HSP90AB1: variants seen among roughly 807,000 people sequenced by gnomAD.
The protein encoded by HSP90AB1 is heat shock protein HSP 90-beta.
Under a neutral mutation model 67.8 loss-of-function variants are expected in HSP90AB1, and 17 were observed. The observed-to-expected ratio is 0.25, with a 90% CI of 0.17 to 0.38. The LOEUF (loss-of-function observed/expected upper bound fraction) is 0.38. Among genes scored for constraint, HSP90AB1 ranks in the 10% least tolerant of loss-of-function variants. HSP90AB1 has a pLI of 1.00. For missense variants in HSP90AB1, 690 were observed against 899.9 expected (o/e 0.77, Z 2.98); for synonymous variants, 390 against 312.9 (o/e 1.25, Z -2.60).
chr6:44,246,434 C>G (rs972527158), upstream of HSP90AB1: 2 of 152,550 alleles, frequency 1.3e-5, no homozygotes, highest in African/African-American at 4.8e-5. Context: ...GGGGCGGGAC[C>G]GCCGAGACAG....
intron 4 of HSP90AB1, 45 bp downstream of exon 4, chr6:44,249,879 T>C: frequency 6.3e-7 from 1 of 1,594,936 alleles, no homozygotes; most frequent in Non-Finnish European, 8.6e-7. Flanking sequence ...TAGGATTTTC[T>C]GGGCTCACAC....
At position 44,249,804 on chromosome 6, in the gene HSP90AB1, G is replaced by A. The variant is rs1184485555; in HGVS notation, c.484G>A (p.Gly162Arg). ...ACAGTATGCTTGGGAGTCTTCTGCT[G>A]GAGGTTCCTTCACTGTGCGTGCTGA... is the stretch of plus-strand genomic sequence containing the variant. Reference protein sequence around the residue: ...DEQYAWESSAGGSFTVRADHG... With the variant: ...DEQYAWESSARGSFTVRADHG... Residue 162 changes from glycine (G) to arginine (R), a missense_variant, in exon 4 of 12, where the codon GGA becomes AGA. Physicochemically the swap from Gly to Arg is moderately radical, Grantham distance 125. Transcript: ENST00000371646. The A allele has an allele frequency of 5.0e-6, 8 of 1,612,600 alleles. No individual in the cohort carries two copies. The highest frequency in any genetic ancestry group is 6.8e-6 in the Non-Finnish European group (8 of 1,179,194).
chr6:44,251,409 T>G lies in HSP90AB1; in HGVS notation c.1124-9T>G. On this transcript the variant is annotated splice_polypyrimidine_tract_variant and intron_variant, in intron 7 of 11. Transcript: ENST00000371646. ...TTTTACTGAGCTTTCTCACCCTGGT[T>G]GATGGCAGATTTTATCCGTGGTGTG... 1 of 1,598,602 alleles carries G rather than the reference T, an allele frequency of 6.3e-7. No individual in the cohort carries two copies.
At chr6:44,250,620 T>C (rs1246613726) in intron 6 of HSP90AB1, 21 bp downstream of exon 6, 13 of 1,382,004 alleles carry the variant, frequency 9.4e-6, no homozygotes, top group Non-Finnish European at 1.3e-5. Context: ...CCTTTGCATG[T>C]TGGCTCAACA....
At chr6:44,250,689 C>T (rs1780522553) in intron 6 of HSP90AB1, 90 bp downstream of exon 6, 2 of 737,490 alleles carry the variant, frequency 2.7e-6, no homozygotes, top group East Asian at 5.0e-5. Flanking sequence ...ACACACGGAA[C>T]TTGTCCAACT....
rs879245265 is a variant in HSP90AB1, at chr6:44,253,356, T to C, written c.2043T>C (p.Tyr681=). The change falls in exon 11 of 12, where the codon TAT becomes TAC. Residue 681 remains tyrosine, a synonymous_variant. Transcript: ENST00000371646. ...EDPQTHSNRI[Y]RMIKLGLGID... is the part of the protein sequence containing the mutation. The stretch of plus-strand genomic sequence containing the variant: ...CCCAGACCCACTCCAACCGCATCTA[T>C]CGCATGATCAAGCTAGGTCTAGGTA... The C allele has an allele frequency of 1.2e-6, 2 of 1,614,178 alleles. No homozygotes were observed. The highest frequency in any genetic ancestry group is 1.1e-5 in the South Asian group (1 of 91,080).
intron 3 of HSP90AB1, 32 bp downstream of exon 3, chr6:44,249,615 C>T (rs1780394540): frequency 6.2e-7 from 1 of 1,611,088 alleles, no homozygotes; most frequent in Non-Finnish European, 8.5e-7. Context: ...TCATACTTAT[C>T]TGTGTTCTTT....
At chr6:44,246,326 A>T (rs1440503188), upstream of HSP90AB1, 4 of 151,820 alleles carry the variant, frequency 2.6e-5, no homozygotes, top group African/African-American at 9.7e-5. Flanking sequence ...TTGGGCTGGT[A>T]CCCGCGTCTC....
In HSP90AB1 at chr6:44,250,488, A is replaced by G. The variant is rs34684798; in HGVS notation, c.846A>G (p.Leu282=). 4,379 of 1,613,986 alleles carry G rather than the reference A, an allele frequency of 2.7e-3. 14 individuals are homozygous for G. Among genetic ancestry groups the G allele is most frequent in the Non-Finnish European group, 3.5e-3 (4,162 of 1,179,828 alleles). ...AGAAATACATTGATCAGGAAGAACT[A>G]AACAAGACCAAGCCTATTTGGACCA... The part of the protein sequence containing the change: ...IKEKYIDQEE[L]NKTKPIWTRN... The change falls in exon 6 of 12, where the codon CTA becomes CTG. Residue 282 remains leucine (L), a synonymous_variant. Coordinates refer to ENST00000371646, the MANE Select transcript of HSP90AB1 (RefSeq NM_007355.4).
chr6:44,253,083 C>T lies in HSP90AB1; in HGVS notation c.1770C>T (p.Cys590=), dbSNP rs1780936648. 1 of 1,613,966 alleles carries T rather than the reference C, an allele frequency of 6.2e-7. No individual in the cohort carries two copies. The highest frequency in any genetic ancestry group is 1.7e-5 in the Admixed American group (1 of 59,998). Reference sequence around the variant, plus strand: ...ATAGACTTGTGTCTTCACCTTGCTGCATTGTGACCAGCACCTACGGCTGGA... The same window carrying T: ...ATAGACTTGTGTCTTCACCTTGCTGTATTGTGACCAGCACCTACGGCTGGA... ...ISNRLVSSPC[C]IVTSTYGWTA... The change falls in exon 11 of 12, where the codon TGC becomes TGT. Residue 590 remains cysteine (C), a synonymous_variant. Coordinates refer to ENST00000371646, the MANE Select transcript of HSP90AB1 (RefSeq NM_007355.4).
At chr6:44,250,183 C>T (rs767020246) in intron 5 of HSP90AB1, 29 bp downstream of exon 5, 17 of 1,613,854 alleles carry the variant, frequency 1.1e-5, no homozygotes, top group East Asian at 2.2e-5. Context: ...ATCTTTTACA[C>T]TTAACGTGCA....
intron 1 of HSP90AB1, 59 bp from the exon 2 acceptor site, chr6:44,248,571 A>G: frequency 6.6e-7 from 1 of 1,517,456 alleles, no homozygotes; most frequent in Non-Finnish European, 9.0e-7. Flanking sequence ...TATGACCTTT[A>G]GGATTTTTAA....
rs775657325 is a variant in HSP90AB1, at chr6:44,253,675, CT to C, written c.*78del. 4.0e-5 allele frequency: 42 copies of C among 1,038,058 alleles called. No homozygotes were observed. In the East Asian group the frequency reaches 9.4e-4, roughly 23 times the overall value. The allele number at this position is 1,038,058 out of a possible 1,614,324, so 64.3% of individuals were successfully genotyped here. On this transcript the variant is annotated 3_prime_UTR_variant, in exon 12 of 12. Coordinates refer to ENST00000371646, the MANE Select transcript of HSP90AB1 (RefSeq NM_007355.4). ...GCTCCCACTGCAGCCTCGAGTGCCC[CT>C]GTCCCACCTGGCTCCCCCTGCTGGT...
upstream of HSP90AB1, among the ~76,000 whole-genome samples, chr6:44,246,604 C>T (rs986882254): frequency 6.6e-6 from 1 of 152,244 alleles, no homozygotes; most frequent in Non-Finnish European, 1.5e-5. Context: ...GAGTCGGGAT[C>T]TGGGGCTACC....
chr6:44,251,935 G>C (rs2153321362), intron 9 of HSP90AB1, 51 bp downstream of exon 9: 2 of 1,613,250 alleles, frequency 1.2e-6, no homozygotes, highest in Non-Finnish European at 1.7e-6. Flanking sequence ...AGCACAATTA[G>C]GGCTTCCTGG....
At chr6:44,247,246 GTTGTTT>G (rs1780008864) in intron 1 of HSP90AB1, 51 bp downstream of exon 1, 1 of 152,318 alleles carries the variant, frequency 6.6e-6, no homozygotes, top group African/African-American at 2.4e-5. Flanking sequence ...CTGTATTCGT[GTTGTTT>G]TTGTTTTTTT....
chr6:44,248,541 T>C (rs961295364), intron 1 of HSP90AB1, 89 bp from the exon 2 acceptor site: 1 of 1,244,162 alleles, frequency 8.0e-7, no homozygotes, highest in African/African-American at 1.5e-5. Flanking sequence ...GAACTCACTG[T>C]CTAAGGTCCT....
chr6:44,249,397 T>A lies in HSP90AB1; in HGVS notation c.168T>A (p.Tyr56Ter). The change falls in exon 3 of 12, where the codon TAT becomes TAA. Residue 56 changes from tyrosine (Y) to a stop codon, truncating the protein, a stop_gained. Coordinates refer to ENST00000371646, the MANE Select transcript of HSP90AB1 (RefSeq NM_007355.4). LOFTEE classifies it high-confidence loss of function. ...NASDALDKIR[Y>*]ESLTDPSKLD... is the part of the protein sequence containing the mutation. ...TCCAGGCCTTGGACAAGATTCGCTA[T>A]GAGAGCCTGACAGACCCTTCGAAGT... 6.2e-7 allele frequency: 1 copy of A among 1,613,924 alleles called. No homozygotes were observed. The highest frequency in any genetic ancestry group is 8.5e-7 in the Non-Finnish European group (1 of 1,179,802).
chr6:44,251,769 C>T lies in HSP90AB1; in HGVS notation c.1347C>T (p.Arg449=). Reference sequence around the variant, plus strand: ...TCCACGAAGACTCCACTAACCGCCGCCGCCTGTCTGAGCTGCTGCGCTATC... The same window carrying T: ...TCCACGAAGACTCCACTAACCGCCGTCGCCTGTCTGAGCTGCTGCGCTATC... The part of the protein sequence containing the change: ...LGIHEDSTNR[R]RLSELLRYHT... Residue 449 remains arginine (R), a synonymous_variant, in exon 9 of 12, where the codon CGC becomes CGT. Coordinates refer to ENST00000371646, the MANE Select transcript of HSP90AB1 (RefSeq NM_007355.4). 2 of 1,613,620 alleles carry T rather than the reference C, an allele frequency of 1.2e-6. No homozygotes were observed. Among genetic ancestry groups the T allele is most frequent in the Non-Finnish European group, 1.7e-6 (2 of 1,180,026 alleles).
Sources: gnomAD v4.1 joint callset for allele counts (sites outside exome capture counted in the v4.1 genomes callset) on GRCh38, gnomAD v4.1.1 for gene constraint, MANE v1.5 for transcripts, NCBI Gene and HGNC (gene_info 2026-07-23, HGNC 2026-07-21) for gene names.